USP47: variants seen among roughly 807,000 people sequenced by gnomAD.
USP47 encodes the protein ubiquitin specific peptidase 47.
In USP47, 35 loss-of-function variants were observed where a neutral mutation model predicts 165.1. The observed-to-expected ratio is 0.21, with a 90% confidence interval of 0.16 to 0.28. The LOEUF (loss-of-function observed/expected upper bound fraction) is 0.28, where lower values mean the gene tolerates loss of function less well. Among genes scored for constraint, USP47 ranks in the 10% least tolerant of loss-of-function variants. The pLI is 1.00. For missense variants in USP47, 1,277 were observed against 1,607.4 expected, an observed-to-expected ratio of 0.79 and a Z score of 3.52; for synonymous variants, 531 against 544.5, an observed-to-expected ratio of 0.98 and a Z score of 0.35.
rs1245110428 is a variant in USP47 at position 11,960,314 on chromosome 11, G to T, written c.*4139G>T. ...AGGCTGGTAAGGTTACTGTCCCCTT[G>T]TGCCTGGTCACTAGTAACTTTTTTG... is the stretch of plus-strand genomic sequence containing the variant. On this transcript the variant is annotated 3_prime_UTR_variant, in exon 28 of 28. Transcript: ENST00000527733. Among the ~76,000 whole-genome samples the T allele has an allele frequency of 1.3e-5, 2 of 152,070 alleles. No homozygotes were observed. Among genetic ancestry groups the T allele is most frequent in the African/African-American group, 4.8e-5 (2 of 41,412 alleles).
chr11:11,954,332 C>T (rs368964420), intron 25 of USP47, among the ~76,000 whole-genome samples: 1 of 152,074 alleles, frequency 6.6e-6, no homozygotes, highest in East Asian at 1.9e-4. Context: ...TGCAGTGGTG[C>T]GATCTTGGCT....
rs1564861926 is a variant in USP47 at position 11,880,361 on chromosome 11, G to T, written c.224G>T (p.Gly75Val). 1 of 1,339,506 alleles carries T rather than the reference G, an allele frequency of 7.5e-7. No homozygotes were observed. The highest frequency in any genetic ancestry group is 1.5e-5 in the African/African-American group (1 of 65,460). 83.0% of individuals were successfully genotyped at this position (1,339,506 alleles called of 1,614,324 possible). The change falls in exon 2 of 28, where the codon GGA becomes GTA. Residue 75 changes from glycine (G) to valine (V), a missense_variant. Transcript: ENST00000527733. Reference protein sequence around the residue: ...NGTFDLVWGNGINTADMAPLD... With the variant: ...NGTFDLVWGNVINTADMAPLD... ...ACCTTTGACTTGGTGTGGGGAAATG[G>T]AATCAATACTGCTGATATGGTAAAA...
At chr11:11,897,828 AC>A in intron 5 of USP47, 135 bp downstream of exon 5, 1 of 586,278 alleles carries the variant, frequency 1.7e-6, no homozygotes, top group South Asian at 2.6e-5. Context: ...TTCTTTCCTT[AC>A]GTAATAACAA....
At chr11:11,864,290 T>C (rs1849547010) in intron 1 of USP47, among the ~76,000 whole-genome samples, 1 of 152,150 alleles carries the variant, frequency 6.6e-6, no homozygotes, top group Non-Finnish European at 1.5e-5. Context: ...GTTGGAAACC[T>C]AGTGTGTTGG....
chr11:11,880,141 A>G (rs779131269), intron 1 of USP47, 36 bp from the exon 2 acceptor site: 16 of 1,375,670 alleles, frequency 1.2e-5, no homozygotes, highest in Non-Finnish European at 1.5e-5. Context: ...TGCTTTAAAG[A>G]TAATATATAA....
At chr11:11,869,779 C>T (rs1849913015) in intron 1 of USP47, among the ~76,000 whole-genome samples, 2 of 152,252 alleles carry the variant, frequency 1.3e-5, no homozygotes, top group South Asian at 2.1e-4. Flanking sequence ...AGATCATGAG[C>T]GCTCTGCCCT....
intron 18 of USP47, 144 bp from the exon 19 acceptor site, chr11:11,940,285 C>T: frequency 1.3e-6 from 1 of 789,306 alleles, no homozygotes; most frequent in Admixed American, 3.7e-5. Flanking sequence ...TTCAATTATT[C>T]AAAAATTTTA....
intron 8 of USP47, among the ~76,000 whole-genome samples, chr11:11,909,854 A>C (rs181747132): frequency 3.4e-4 from 52 of 152,358 alleles, no homozygotes; most frequent in Admixed American, 2.2e-3. Context: ...GAAATTAGTA[A>C]GTGTGAAATC....
At chr11:11,856,410 C>T (rs554884483) in intron 1 of USP47, 3 of 152,120 alleles carry the variant, frequency 2.0e-5, no homozygotes, top group South Asian at 4.1e-4. Context: ...TTTCCATTTG[C>T]AATCATATAA....
At chr11:11,917,133 G>T (rs1219153844) in intron 8 of USP47, among the ~76,000 whole-genome samples, 2 of 152,112 alleles carry the variant, frequency 1.3e-5, no homozygotes, top group Non-Finnish European at 2.9e-5. Context: ...CTGGATGACA[G>T]AGCAAGACCT....
intron 4 of USP47, among the ~76,000 whole-genome samples, chr11:11,895,528 C>T (rs1851793529): frequency 6.6e-6 from 1 of 152,108 alleles, no homozygotes; most frequent in Admixed American, 6.5e-5. Flanking sequence ...AGAAAATGCT[C>T]TCATGATTTT....
Position 11,930,084 on chromosome 11 carries a change from C to T in USP47, c.1559C>T (p.Ser520Leu). Residue 520 changes from serine to leucine, a missense_variant, in exon 13 of 28, where the codon TCA becomes TTA. By Grantham distance (145) the Ser-to-Leu change is moderately radical. Transcript: ENST00000527733. ...EDIKKTHGGS[S>L]GSRGYYSSAF... ...ATTAAGAAAACACATGGTGGATCTT[C>T]AGGAAGCAGAGGATATTATTCTAGT... 6.2e-7 allele frequency: 1 copy of T among 1,613,382 alleles called. No individual in the cohort carries two copies. Among genetic ancestry groups the T allele is most frequent in the East Asian group, 2.2e-5 (1 of 44,842 alleles).
chr11:11,928,445 G>A (rs1433252558), intron 11 of USP47, among the ~76,000 whole-genome samples: 1 of 151,998 alleles, frequency 6.6e-6, no homozygotes, highest in Non-Finnish European at 1.5e-5. Context: ...TCAGTTTAAA[G>A]TTATTTTAAG....
chr11:11,876,280 G>C (rs1850412330), intron 1 of USP47, among the ~76,000 whole-genome samples: 1 of 151,798 alleles, frequency 6.6e-6, no homozygotes, highest in South Asian at 2.1e-4. Context: ...AAAAATTTTT[G>C]CTCCCTTCCC....
chr11:11,924,505 A>G (rs1485012714), intron 11 of USP47, among the ~76,000 whole-genome samples: 1 of 152,014 alleles, frequency 6.6e-6, no homozygotes, highest in Non-Finnish European at 1.5e-5. Context: ...CTCTGCCTTT[A>G]TTTTTGGAAG....
intron 3 of USP47, among the ~76,000 whole-genome samples, chr11:11,887,901 A>C (rs554965545): frequency 6.6e-6 from 1 of 152,166 alleles, no homozygotes; most frequent in Non-Finnish European, 1.5e-5. Context: ...TCAAACTAGA[A>C]CTCAAGAAAT....
chr11:11,871,501 CA>C (rs71037046), intron 1 of USP47, among the ~76,000 whole-genome samples: 47 of 63,126 alleles, frequency 7.4e-4, no homozygotes, highest in African/African-American at 1.7e-3. Context: ...AACTCCCTCT[CA>C]AAAAAAAAAA....
chr11:11,953,658 A>G (rs1856366300), intron 25 of USP47, among the ~76,000 whole-genome samples: 1 of 152,202 alleles, frequency 6.6e-6, no homozygotes, highest in Non-Finnish European at 1.5e-5. Context: ...TCCATAATTT[A>G]TAAGGAGCTA....
intron 14 of USP47, among the ~76,000 whole-genome samples, chr11:11,931,893 A>G (rs754387599): frequency 1.3e-5 from 2 of 152,160 alleles, no homozygotes; most frequent in Non-Finnish European, 2.9e-5. Flanking sequence ...ATTATATGTG[A>G]GTCTATAGTA....
Sources: gnomAD v4.1 joint callset for allele counts (sites outside exome capture counted in the v4.1 genomes callset) on GRCh38, gnomAD v4.1.1 for gene constraint, MANE v1.5 for transcripts, NCBI Gene and HGNC (gene_info 2026-07-23, HGNC 2026-07-21) for gene names.